Variants in SNTG1 observed in about 807,000 individuals in gnomAD.
SNTG1 encodes gamma-1-syntrophin.
In SNTG1, 39 loss-of-function variants were observed where a neutral mutation model predicts 74.7. The observed-to-expected ratio is 0.52, with a 90% confidence interval of 0.40 to 0.68. The LOEUF is 0.68. SNTG1 is among the 30% of genes least tolerant of loss of function. The pLI, the probability that SNTG1 is intolerant of heterozygous loss-of-function variation, is 0.00. For missense variants in SNTG1, 685 were observed against 609.5 expected, an observed-to-expected ratio of 1.12 and a Z score of -1.30; for synonymous variants, 254 against 217.1, an observed-to-expected ratio of 1.17 and a Z score of -1.49.
At chr8:49,970,182 C>T (rs909530720) in intron 1 of SNTG1, among the ~76,000 whole-genome samples, 1 of 152,110 alleles carries the variant, frequency 6.6e-6, no homozygotes, top group South Asian at 2.1e-4. Flanking sequence ...ATCTCACCAT[C>T]TGGCAAAATT....
chr8:50,564,129 TTA>T (rs202030893), intron 12 of SNTG1, among the ~76,000 whole-genome samples: 2,380 of 151,574 alleles, frequency 0.016, 36 homozygotes, highest in Middle Eastern at 0.037. Context: ...TTTTTTTTTT[TTA>T]AAATAGAAAT....
intron 12 of SNTG1, among the ~76,000 whole-genome samples, chr8:50,559,567 G>A (rs2094475143): frequency 6.6e-6 from 1 of 152,028 alleles, no homozygotes. Context: ...TAAAGATATT[G>A]GAAGATTGAA....
chr8:50,199,052 G>C (rs2083884772), intron 2 of SNTG1, among the ~76,000 whole-genome samples: 1 of 152,110 alleles, frequency 6.6e-6, no homozygotes, highest in African/African-American at 2.4e-5. Context: ...ATGTCATCAG[G>C]CTCAGATTTG....
chr8:50,438,591 A>G lies in SNTG1; in HGVS notation c.211A>G (p.Ser71Gly). Residue 71 changes from serine to glycine, a missense_variant, in exon 5 of 19, where the codon AGC becomes GGC. Physicochemically the swap from Ser to Gly is moderately conservative, Grantham distance 56. Coordinates refer to ENST00000642720, the MANE Select transcript of SNTG1 (RefSeq NM_018967.5). Reference protein sequence around the residue: ...RRQTVGGFGLSIKGGAEHNIP... With the variant: ...RRQTVGGFGLGIKGGAEHNIP... Reference sequence around the variant, plus strand: ...ACAAACAGTAGGAGGATTTGGATTAAGCATAAAGGTAGCCTGCCTTTCTAG... The same window carrying G: ...ACAAACAGTAGGAGGATTTGGATTAGGCATAAAGGTAGCCTGCCTTTCTAG... 1 of 1,613,194 alleles carries G rather than the reference A, an allele frequency of 6.2e-7. No homozygotes were observed. Among genetic ancestry groups the G allele is most frequent in the Non-Finnish European group, 8.5e-7 (1 of 1,179,478 alleles).
intron 2 of SNTG1, among the ~76,000 whole-genome samples, chr8:50,307,690 G>A (rs2089956951): frequency 6.6e-6 from 1 of 152,024 alleles, no homozygotes; most frequent in Admixed American, 6.6e-5. Context: ...TTATGGGCAT[G>A]TCCTATGCTA....
At chr8:50,689,577 C>T (rs1272014448) in intron 15 of SNTG1, among the ~76,000 whole-genome samples, 1 of 150,878 alleles carries the variant, frequency 6.6e-6, no homozygotes, top group African/African-American at 2.4e-5. Context: ...TTGAACCAGC[C>T]TTGCATCCCG....
At chr8:50,077,260 A>G (rs1277444074) in intron 1 of SNTG1, among the ~76,000 whole-genome samples, 1 of 152,188 alleles carries the variant, frequency 6.6e-6, no homozygotes, top group East Asian at 1.9e-4. Flanking sequence ...TCTGGTTGGC[A>G]GATATTTTGA....
chr8:50,762,234 A>G (rs544496477), intron 18 of SNTG1, among the ~76,000 whole-genome samples: 1 of 152,004 alleles, frequency 6.6e-6, no homozygotes. Context: ...GAACATTACT[A>G]ATGAAGTCTA....
At chr8:50,245,457 C>A (rs776118310) in intron 2 of SNTG1, among the ~76,000 whole-genome samples, 2 of 151,960 alleles carry the variant, frequency 1.3e-5, no homozygotes, top group African/African-American at 4.8e-5. Context: ...CTGAGGCGTG[C>A]GGATCACCTG....
intron 1 of SNTG1, among the ~76,000 whole-genome samples, chr8:50,027,135 C>T (rs1276110645): frequency 6.6e-6 from 1 of 152,136 alleles, no homozygotes; most frequent in Non-Finnish European, 1.5e-5. Flanking sequence ...GTGTTTAAAA[C>T]AAGCAAAAGT....
chr8:50,155,220 TAC>T (rs931880977), intron 1 of SNTG1, among the ~76,000 whole-genome samples: 126 of 152,232 alleles, frequency 8.3e-4, no homozygotes, highest in African/African-American at 3.0e-3. Context: ...GTTGTAAAAA[TAC>T]ACAGAGAGAT....
In SNTG1 at chr8:50,191,539, A is replaced by G. The variant is rs181792311; in HGVS notation, c.-28+18904A>G. Among the ~76,000 whole-genome samples, 4 of 152,242 alleles carry G rather than the reference A, an allele frequency of 2.6e-5. No homozygotes were observed. In the East Asian group the frequency reaches 7.7e-4, roughly 29 times the overall value. ...TTGAGAAACAATCCTCTAATACAGA[A>G]TTATGAGGGGAAACTGTTCTTGTTT... On this transcript the variant is annotated intron_variant, in intron 2 of 18. Transcript: ENST00000642720.
At chr8:50,394,984 A>G (rs1353610238) in intron 3 of SNTG1, among the ~76,000 whole-genome samples, 1 of 152,100 alleles carries the variant, frequency 6.6e-6, no homozygotes, top group African/African-American at 2.4e-5. Flanking sequence ...TTGTATATAA[A>G]CAACTCAACA....
intron 2 of SNTG1, among the ~76,000 whole-genome samples, chr8:50,264,637 T>A (rs1043210516): frequency 1.4e-5 from 2 of 144,856 alleles, no homozygotes; most frequent in Non-Finnish European, 3.0e-5. Flanking sequence ...ACAAGCAGAA[T>A]AAGGAAATAA....
intron 2 of SNTG1, among the ~76,000 whole-genome samples, chr8:50,215,516 G>A (rs2131945675): frequency 6.7e-6 from 1 of 148,796 alleles, no homozygotes; most frequent in African/African-American, 2.4e-5. Context: ...ATGAAAGGTT[G>A]AGATTAGTTT....
chr8:50,763,885 ACACACACACACACACACACAC>A (rs1275804389), intron 18 of SNTG1, among the ~76,000 whole-genome samples: 11 of 143,264 alleles, frequency 7.7e-5, no homozygotes, highest in South Asian at 2.3e-4. Flanking sequence ...ACACACACAC[ACACACACACACACACACACAC>A]AAAAATAACC....
chr8:50,402,112 A>G, intron 3 of SNTG1, 98 bp from the exon 4 acceptor site: 1 of 1,246,224 alleles, frequency 8.0e-7, no homozygotes, highest in Non-Finnish European at 1.1e-6. Flanking sequence ...CACCTCTTAA[A>G]TGTTATTCAC....
chr8:50,237,143 T>A (rs933598629), intron 2 of SNTG1, among the ~76,000 whole-genome samples: 19 of 152,184 alleles, frequency 1.2e-4, no homozygotes, highest in African/African-American at 4.6e-4. Flanking sequence ...TTTTACCTTT[T>A]TTTTTCTTGC....
At chr8:50,097,538 G>A (rs969910811) in intron 1 of SNTG1, among the ~76,000 whole-genome samples, 1 of 152,006 alleles carries the variant, frequency 6.6e-6, no homozygotes, top group African/African-American at 2.4e-5. Context: ...TGTAGTCCCA[G>A]CTACTCGGGA....
Sources: allele counts gnomAD v4.1 joint callset (sites outside exome capture counted in the v4.1 genomes callset), GRCh38; gene constraint gnomAD v4.1.1; transcripts MANE v1.5; gene names NCBI Gene and HGNC (gene_info 2026-07-23, HGNC 2026-07-21).